TMEM165: variants seen among roughly 807,000 people sequenced by gnomAD.
TMEM165 encodes the protein transmembrane protein 165.
In TMEM165, 19 loss-of-function variants were observed where a neutral mutation model predicts 30.0. That is an observed-to-expected ratio of 0.63 (90% confidence interval 0.44 to 0.93). The LOEUF (loss-of-function observed/expected upper bound fraction) is 0.93. TMEM165 is among the 40% of genes least tolerant of loss of function. The probability of loss-of-function intolerance (pLI) is 0.00; values close to 1 mark genes in which losing one functional copy is unlikely to be tolerated. For synonymous variants in TMEM165, 168 were observed against 162.9 expected (o/e 1.03, Z -0.24); for missense variants, 340 against 417.0 (o/e 0.82, Z 1.61).
Position 55,417,979 on chromosome 4 carries a change from T to G in TMEM165, c.786T>G (p.Ala262=). 6.2e-7 allele frequency: 1 copy of G among 1,605,650 alleles called. No homozygotes were observed. Among genetic ancestry groups the G allele is most frequent in the African/African-American group, 1.3e-5 (1 of 74,576 alleles). ...AACTAACTACAATTGTATTGGCAGCTAGAGAGGTGAGTGATATTTGAGAGG... is the reference window on the plus strand; with the variant it reads ...AACTAACTACAATTGTATTGGCAGCGAGAGAGGTGAGTGATATTTGAGAGG... The part of the protein sequence containing the change: ...RSQLTTIVLA[A]REDPYGVAVG... The change falls in exon 4 of 6, where the codon GCT becomes GCG. Residue 262 remains alanine, a synonymous_variant. Coordinates refer to ENST00000381334, the MANE Select transcript of TMEM165 (RefSeq NM_018475.5).
chr4:55,426,799 T>C (rs1722222168), downstream of TMEM165, among the ~76,000 whole-genome samples: 1 of 152,202 alleles, frequency 6.6e-6, no homozygotes, highest in East Asian at 1.9e-4. Flanking sequence ...ATGGTAACTC[T>C]GTGAGGAAGA....
exon 4 of TMEM165, chr4:55,453,003 T>C: frequency 7.7e-7 from 1 of 1,303,840 alleles, no homozygotes; most frequent in Admixed American, 1.9e-5. Context: ...GAGTTTCATC[T>C]TTTATTGGGG....
intron 2 of TMEM165, among the ~76,000 whole-genome samples, chr4:55,416,626 G>A (rs1721740619): frequency 6.6e-6 from 1 of 152,152 alleles, no homozygotes; most frequent in Non-Finnish European, 1.5e-5. Context: ...TTCACTAGAA[G>A]TTTGTGATTT....
At chr4:55,424,829 A>G (rs894070094) in intron 5 of TMEM165, 186 bp downstream of exon 5, 8 of 530,170 alleles carry the variant, frequency 1.5e-5, no homozygotes, top group Non-Finnish European at 2.6e-5. Context: ...TGTAGAAGTT[A>G]GCAAAATACA....
At chr4:55,424,388 C>T (rs1722112261) in intron 4 of TMEM165, 150 bp from the exon 5 acceptor site, 3 of 590,824 alleles carry the variant, frequency 5.1e-6, no homozygotes. Flanking sequence ...AGCCATTACA[C>T]CTCTCATAAA....
intron 1 of TMEM165, among the ~76,000 whole-genome samples, chr4:55,408,037 T>A (rs1333157663): frequency 1.3e-5 from 2 of 152,184 alleles, no homozygotes; most frequent in Non-Finnish European, 2.9e-5. Flanking sequence ...CTACACTGTG[T>A]CCCTGTGAAG....
Position 55,417,135 on chromosome 4 carries a change from T to C in TMEM165, c.497T>C (p.Leu166Ser). The C allele has an allele frequency of 6.2e-7, 1 of 1,614,136 alleles. No homozygotes were observed. The highest frequency in any genetic ancestry group is 8.5e-7 in the Non-Finnish European group (1 of 1,180,008). The change falls in exon 3 of 6, where the codon TTA becomes TCA. Residue 166 changes from leucine (L) to serine (S), a missense_variant. Leu to Ser is a moderately radical substitution (Grantham distance 145). Coordinates refer to ENST00000381334, the MANE Select transcript of TMEM165 (RefSeq NM_018475.5). ...RVYTYYVSTV[L>S]FAIFGIRMLR... ...TATACATACTATGTTTCAACTGTATTATTTGCCATTTTTGGCATTAGAATG... is the reference window on the plus strand; with the variant it reads ...TATACATACTATGTTTCAACTGTATCATTTGCCATTTTTGGCATTAGAATG...
At chr4:55,450,131 A>G (rs751499257) in intron 3 of TMEM165, 1 of 1,613,968 alleles carries the variant, frequency 6.2e-7, no homozygotes, top group Non-Finnish European at 8.5e-7. Context: ...ATTTTCTTGA[A>G]CTCCGAGAAG....
At chr4:55,431,935 G>C (rs919046934) in intron 3 of TMEM165, 3 of 152,180 alleles carry the variant, frequency 2.0e-5, no homozygotes, top group Non-Finnish European at 4.4e-5. Flanking sequence ...GACTGCTTCA[G>C]TGCTCCTAGC....
intron 1 of TMEM165, among the ~76,000 whole-genome samples, chr4:55,404,348 C>G (rs1308077366): frequency 6.6e-6 from 1 of 151,998 alleles, no homozygotes; most frequent in Non-Finnish European, 1.5e-5. Flanking sequence ...AACCAAACTT[C>G]TAACTAGGGG....
At chr4:55,397,107 C>G (rs372240415) in intron 1 of TMEM165, 1 of 152,260 alleles carries the variant, frequency 6.6e-6, no homozygotes, top group African/African-American at 2.4e-5. Flanking sequence ...TAACATTTCT[C>G]CCTTCTCCCA....
intron 4 of TMEM165, among the ~76,000 whole-genome samples, chr4:55,418,478 C>T (rs1027775474): frequency 9.3e-5 from 14 of 150,382 alleles, no homozygotes; most frequent in East Asian, 3.9e-4. Context: ...GAGCTGTGTT[C>T]GCGCCACTGC....
chr4:55,429,019 T>C (rs540885783), downstream of TMEM165: 9 of 151,850 alleles, frequency 5.9e-5, no homozygotes, highest in South Asian at 1.9e-3. Context: ...TGGCCAATTT[T>C]TTTGCTTGAA....
intron 1 of TMEM165, chr4:55,403,134 C>G (rs11726676): frequency 6.8e-6 from 5 of 731,906 alleles, no homozygotes; most frequent in Non-Finnish European, 1.0e-5. Flanking sequence ...GGAGACAGTT[C>G]TAAGCAAATT....
At chr4:55,427,420 G>A (rs1250570260), downstream of TMEM165, among the ~76,000 whole-genome samples, 6 of 151,704 alleles carry the variant, frequency 4.0e-5, no homozygotes, top group Admixed American at 3.9e-4. Flanking sequence ...TCGGCTCACT[G>A]CAACCTCTGC....
intron 3 of TMEM165, chr4:55,449,263 T>A (rs1414461345): frequency 3.9e-6 from 3 of 769,666 alleles, no homozygotes; most frequent in Non-Finnish European, 6.6e-6. Context: ...AAGTCTTAAG[T>A]AAGTGTCACA....
chr4:55,452,615 CTGATA>C (rs1411993529), exon 4 of TMEM165: 1 of 182,386 alleles, frequency 5.5e-6, no homozygotes, highest in African/African-American at 2.4e-5. Context: ...TACTTCTGAC[CTGATA>C]TAACAAAAAA....
intron 3 of TMEM165, among the ~76,000 whole-genome samples, chr4:55,450,709 T>C (rs1298087829): frequency 1.3e-5 from 2 of 151,266 alleles, no homozygotes; most frequent in African/African-American, 2.4e-5. Flanking sequence ...GCGGAGGATG[T>C]AGTGAGCCGA....
intron 3 of TMEM165, among the ~76,000 whole-genome samples, chr4:55,448,601 C>CGCGTGTGTGTGT (rs764071880): frequency 8.5e-6 from 1 of 116,980 alleles, no homozygotes; most frequent in Non-Finnish European, 1.8e-5. Context: ...CGCACGCGCG[C>CGCGTGTGTGTGT]GTGTGTGTGT....
Sources: gnomAD v4.1 joint callset for allele counts (sites outside exome capture counted in the v4.1 genomes callset) on GRCh38, gnomAD v4.1.1 for gene constraint, MANE v1.5 for transcripts, NCBI Gene and HGNC (gene_info 2026-07-23, HGNC 2026-07-21) for gene names.